The following GSTCD variants were observed in gnomAD, a reference collection of about 807,000 sequenced individuals.
GSTCD encodes glutathione S-transferase C-terminal domain containing.
GSTCD carries 44 observed loss-of-function variants against 68.3 expected under a neutral mutation model. The ratio of observed to expected loss-of-function variants is 0.64; its 90% CI spans 0.51 to 0.83. GSTCD has a LOEUF of 0.83. Among genes scored for constraint, GSTCD ranks in the 40% least tolerant of loss-of-function variants. GSTCD has a pLI of 0.00. For synonymous variants in GSTCD, 273 were observed against 255.2 expected (o/e 1.07, Z -0.67); for missense variants, 739 against 735.9 (o/e 1.00, Z -0.05).
rs1732875245 is a variant in GSTCD at position 105,722,119 on chromosome 4, T to C, written c.894+2592T>C. ...TAAAATCTTGTAATTTGACCACTTA[T>C]GATTTAATTTTCTACATTTTAACTT... On this transcript the variant is annotated intron_variant, in intron 3 of 11. Coordinates refer to ENST00000515279, the MANE Select transcript of GSTCD (RefSeq NM_001370181.1). 2.6e-5 allele frequency among the ~76,000 whole-genome samples: 4 copies of C among 152,258 alleles called. No individual in the cohort carries two copies. In the South Asian group the frequency reaches 6.2e-4, roughly 24 times the overall value.
chr4:105,803,780 A>G (rs954533921), intron 5 of GSTCD, among the ~76,000 whole-genome samples: 4 of 152,042 alleles, frequency 2.6e-5, no homozygotes, highest in African/African-American at 7.2e-5. Context: ...AGAATTATAC[A>G]TATAATTCCA....
At chr4:105,829,187 TAAAAA>T (rs761947774) in intron 8 of GSTCD, among the ~76,000 whole-genome samples, 1 of 114,946 alleles carries the variant, frequency 8.7e-6, no homozygotes, top group Non-Finnish European at 1.8e-5. Context: ...CAGCTATAAT[TAAAAA>T]AAAAAAAAAA....
chr4:105,761,139 G>T (rs1187227378), intron 5 of GSTCD: 16 of 189,178 alleles, frequency 8.5e-5, no homozygotes, highest in Non-Finnish European at 4.4e-5. Flanking sequence ...AAGTAGCTGG[G>T]ATTATAGGAG....
intron 5 of GSTCD, among the ~76,000 whole-genome samples, chr4:105,798,088 A>G (rs532850750): frequency 6.6e-6 from 1 of 152,264 alleles, no homozygotes; most frequent in South Asian, 2.1e-4. Flanking sequence ...TCATTTCAAC[A>G]ATATTTTCAC....
rs958252827 is a variant in GSTCD, at chr4:105,756,049, A to T, written c.1240+26550A>T. On this transcript the variant is annotated intron_variant, in intron 5 of 11. Transcript: ENST00000515279. ...TCAGGGAAACACTTGAATTACATTT[A>T]CTGGTTTATTAATAAAAGATGTAAT... Among the ~76,000 whole-genome samples the T allele has an allele frequency of 1.1e-4, 16 of 152,300 alleles. No homozygotes were observed. The South Asian group carries it at 3.3e-3, about 32-fold the overall frequency.
intron 5 of GSTCD, among the ~76,000 whole-genome samples, chr4:105,771,902 G>A (rs548842648): frequency 6.6e-6 from 1 of 152,140 alleles, no homozygotes; most frequent in East Asian, 1.9e-4. Flanking sequence ...TTCTAATTCT[G>A]TGAAGAAAGT....
chr4:105,743,390 T>G (rs1197931948), intron 5 of GSTCD, among the ~76,000 whole-genome samples: 1 of 152,138 alleles, frequency 6.6e-6, no homozygotes, highest in Non-Finnish European at 1.5e-5. Context: ...CAATTATTTT[T>G]TATTAAACTG....
At chr4:105,797,046 A>G (rs28533186) in intron 5 of GSTCD, among the ~76,000 whole-genome samples, 31,201 of 145,530 alleles carry the variant, frequency 0.21, 6,686 homozygotes, top group African/African-American at 0.56. Context: ...ACAGAGATAC[A>G]TGTGTGTGTG....
At chr4:105,805,779 T>TAAG (rs1411641578) in intron 5 of GSTCD, among the ~76,000 whole-genome samples, 1 of 152,104 alleles carries the variant, frequency 6.6e-6, no homozygotes, top group Non-Finnish European at 1.5e-5. Context: ...TATATGAGAA[T>TAAG]TTATAAATTA....
At chr4:105,766,887 CTT>C in intron 5 of GSTCD, among the ~76,000 whole-genome samples, 1,770 of 57,080 alleles carry the variant, frequency 0.031, 79 homozygotes, top group African/African-American at 0.13. Context: ...GTTTTTGACT[CTT>C]TTTTTTTTTT....
At chr4:105,785,220 T>A (rs1351131379) in intron 5 of GSTCD, among the ~76,000 whole-genome samples, 1 of 152,218 alleles carries the variant, frequency 6.6e-6, no homozygotes, top group Non-Finnish European at 1.5e-5. Context: ...TTCAAAATTG[T>A]TGACTTATAA....
chr4:105,827,331 T>G (rs1394890894), intron 8 of GSTCD, among the ~76,000 whole-genome samples: 1 of 152,186 alleles, frequency 6.6e-6, no homozygotes, highest in Non-Finnish European at 1.5e-5. Context: ...AGATGCTAAA[T>G]CACTCTAGCA....
intron 5 of GSTCD, among the ~76,000 whole-genome samples, chr4:105,760,413 T>G (rs928638027): frequency 2.6e-5 from 4 of 152,216 alleles, no homozygotes; most frequent in Admixed American, 2.6e-4. Context: ...AAGCATAATT[T>G]TTTTTCTCTT....
chr4:105,791,123 G>A (rs1251759497), intron 5 of GSTCD, among the ~76,000 whole-genome samples: 1 of 152,044 alleles, frequency 6.6e-6, no homozygotes, highest in Non-Finnish European at 1.5e-5. Context: ...GCCGGGCACG[G>A]TGGTTCATGC....
intron 5 of GSTCD, among the ~76,000 whole-genome samples, chr4:105,735,996 T>C (rs1453334817): frequency 6.6e-6 from 1 of 152,194 alleles, no homozygotes; most frequent in African/African-American, 2.4e-5. Flanking sequence ...TTTTCTCCGA[T>C]TGTTTAAAAT....
At chr4:105,757,273 A>G (rs905316655) in intron 5 of GSTCD, among the ~76,000 whole-genome samples, 4 of 152,226 alleles carry the variant, frequency 2.6e-5, no homozygotes, top group Admixed American at 6.5e-5. Flanking sequence ...TTTGATTAAA[A>G]GGAGCATATA....
chr4:105,826,987 A>C (rs1046230198), intron 8 of GSTCD: 1 of 152,188 alleles, frequency 6.6e-6, no homozygotes, highest in Non-Finnish European at 1.5e-5. Context: ...AACCTAAAAA[A>C]TATGCTATTC....
Position 105,846,983 on chromosome 4 carries a change from G to A in GSTCD, c.*1406G>A, listed in dbSNP as rs1359851893. Reference sequence around the variant, plus strand: ...CATGTTCTTTATGGAATACTACAATGTGTTGTCACAGGATTTGTTATTCAG... The same window carrying A: ...CATGTTCTTTATGGAATACTACAATATGTTGTCACAGGATTTGTTATTCAG... On this transcript the variant is annotated 3_prime_UTR_variant, in exon 12 of 12. Transcript: ENST00000515279. 1.3e-5 allele frequency: 2 copies of A among 152,120 alleles called. No individual in the cohort carries two copies. Among genetic ancestry groups the A allele is most frequent in the African/African-American group, 4.8e-5 (2 of 41,434 alleles). 9.4% of individuals were successfully genotyped at this position (152,120 alleles called of 1,614,324 possible).
At chr4:105,746,973 G>A (rs1225425048) in intron 5 of GSTCD, among the ~76,000 whole-genome samples, 1 of 152,206 alleles carries the variant, frequency 6.6e-6, no homozygotes, top group African/African-American at 2.4e-5. Flanking sequence ...CCCAGCAGAA[G>A]TGATTTGGGG....
Sources: allele counts gnomAD v4.1 joint callset (sites outside exome capture counted in the v4.1 genomes callset), GRCh38; gene constraint gnomAD v4.1.1; transcripts MANE v1.5; gene names NCBI Gene and HGNC (gene_info 2026-07-23, HGNC 2026-07-21).